The following TBC1D5 variants were observed in gnomAD, a reference collection of about 807,000 sequenced individuals.
TBC1D5 encodes the protein TBC1 domain family, member 5.
TBC1D5 carries 75 observed loss-of-function variants against 100.3 expected under a neutral mutation model. The observed-to-expected ratio is 0.75, with a 90% CI of 0.62 to 0.91. The LOEUF (loss-of-function observed/expected upper bound fraction) is 0.91, where lower values mean the gene tolerates loss of function less well. Ranked by LOEUF, TBC1D5 falls within the 40% of genes least tolerant of loss-of-function variation. The probability of loss-of-function intolerance (pLI) is 0.00; values close to 1 mark genes in which losing one functional copy is unlikely to be tolerated. For synonymous variants in TBC1D5, 323 were observed against 325.6 expected, an observed-to-expected ratio of 0.99 and a Z score of 0.09; for missense variants, 910 against 942.4, an observed-to-expected ratio of 0.97 and a Z score of 0.45.
intron 16 of TBC1D5, among the ~76,000 whole-genome samples, chr3:17,240,199 A>T (rs986494672): frequency 6.6e-6 from 1 of 152,180 alleles, no homozygotes; most frequent in Non-Finnish European, 1.5e-5. Flanking sequence ...TAATGCTACT[A>T]GCTAATGTTA....
intron 1 of TBC1D5, among the ~76,000 whole-genome samples, chr3:17,691,826 CAAAA>C (rs1273079675): frequency 1.7e-5 from 1 of 58,568 alleles, no homozygotes; most frequent in Admixed American, 1.8e-4. Context: ...TCCGTCTCAA[CAAAA>C]AAAAAAAAAA....
chr3:17,697,375 TCTC>T (rs2072299752), intron 1 of TBC1D5, among the ~76,000 whole-genome samples: 1 of 152,078 alleles, frequency 6.6e-6, no homozygotes, highest in Non-Finnish European at 1.5e-5. Context: ...CAGCCCAAAA[TCTC>T]CTTAAGCTGA....
intron 2 of TBC1D5, among the ~76,000 whole-genome samples, chr3:17,516,585 A>G (rs1427136079): frequency 6.6e-6 from 1 of 152,204 alleles, no homozygotes; most frequent in Middle Eastern, 3.2e-3. Flanking sequence ...TATCCTTATC[A>G]TAAGTAGTTA....
At chr3:17,470,596 T>C (rs1284371348) in intron 3 of TBC1D5, among the ~76,000 whole-genome samples, 1 of 152,164 alleles carries the variant, frequency 6.6e-6, no homozygotes, top group Non-Finnish European at 1.5e-5. Context: ...ACAAGGGTCT[T>C]CTGCACTACT....
At chr3:17,439,479 G>C (rs2094599685) in intron 3 of TBC1D5, among the ~76,000 whole-genome samples, 1 of 152,014 alleles carries the variant, frequency 6.6e-6, no homozygotes, top group Non-Finnish European at 1.5e-5. Flanking sequence ...TCTTATAAAA[G>C]ATTTACTAAC....
At chr3:17,194,765 AC>A (rs2070426110) in intron 18 of TBC1D5, among the ~76,000 whole-genome samples, 1 of 152,230 alleles carries the variant, frequency 6.6e-6, no homozygotes, top group Non-Finnish European at 1.5e-5. Flanking sequence ...GCCTTTAGAA[AC>A]ATGCTTTTAT....
At chr3:17,268,832 A>G (rs1431014612) in intron 15 of TBC1D5, among the ~76,000 whole-genome samples, 2 of 152,134 alleles carry the variant, frequency 1.3e-5, no homozygotes, top group African/African-American at 4.8e-5. Context: ...CTTTTTCCAG[A>G]AAACTGAAAG....
chr3:17,515,920 T>C (rs746885888), intron 2 of TBC1D5, among the ~76,000 whole-genome samples: 3 of 152,176 alleles, frequency 2.0e-5, no homozygotes, highest in Non-Finnish European at 2.9e-5. Flanking sequence ...CGTTATCAAA[T>C]AGCCAAAACT....
intron 1 of TBC1D5, among the ~76,000 whole-genome samples, chr3:17,648,328 A>C (rs2065199291): frequency 6.6e-6 from 1 of 152,278 alleles, no homozygotes; most frequent in Non-Finnish European, 1.5e-5. Flanking sequence ...AAATCAACTC[A>C]AGGTGGATTA....
chr3:17,613,382 A>G (rs1258915632), intron 2 of TBC1D5, among the ~76,000 whole-genome samples: 1 of 152,204 alleles, frequency 6.6e-6, no homozygotes, highest in African/African-American at 2.4e-5. Context: ...ATGATTAACA[A>G]TCCTTTGGGT....
At chr3:17,442,792 G>A (rs906790691) in intron 3 of TBC1D5, among the ~76,000 whole-genome samples, 1 of 152,162 alleles carries the variant, frequency 6.6e-6, no homozygotes, top group Non-Finnish European at 1.5e-5. Context: ...TCCACCCACA[G>A]AAAGTGAGTC....
At chr3:17,581,342 C>T (rs185053015) in intron 2 of TBC1D5, among the ~76,000 whole-genome samples, 4 of 152,282 alleles carry the variant, frequency 2.6e-5, no homozygotes, top group Middle Eastern at 3.4e-3. Context: ...ATACCATCTA[C>T]AATTAACAAC....
At chr3:17,198,763 T>G (rs1461109475) in intron 18 of TBC1D5, among the ~76,000 whole-genome samples, 1 of 152,188 alleles carries the variant, frequency 6.6e-6, no homozygotes, top group Non-Finnish European at 1.5e-5. Flanking sequence ...AAGACACAGG[T>G]GAGCTTCTAA....
At chr3:17,388,147 G>A (rs527284767) in intron 8 of TBC1D5, among the ~76,000 whole-genome samples, 3 of 152,130 alleles carry the variant, frequency 2.0e-5, no homozygotes, top group South Asian at 4.2e-4. Flanking sequence ...TCATATTTCA[G>A]TTTAGACTCA....
intron 19 of TBC1D5, among the ~76,000 whole-genome samples, chr3:17,183,515 G>C (rs1028848091): frequency 6.6e-6 from 1 of 152,182 alleles, no homozygotes; most frequent in African/African-American, 2.4e-5. Flanking sequence ...TGGATCAAAT[G>C]TGACAGGGGT....
exon 3 of TBC1D5, chr3:17,508,541 A>C: frequency 6.2e-7 from 1 of 1,613,646 alleles, no homozygotes; most frequent in Non-Finnish European, 8.5e-7. Flanking sequence ...GCTGCAGAGG[A>C]TGTCTAGTTT....
intron 2 of TBC1D5, among the ~76,000 whole-genome samples, chr3:17,512,307 TTTA>T (rs2095919531): frequency 6.6e-6 from 1 of 152,000 alleles, no homozygotes; most frequent in Non-Finnish European, 1.5e-5. Context: ...ATTAAGAGAT[TTTA>T]TTTAGTCTAA....
intron 2 of TBC1D5, among the ~76,000 whole-genome samples, chr3:17,530,222 C>T (rs994191829): frequency 1.0e-4 from 14 of 135,374 alleles, no homozygotes; most frequent in Non-Finnish European, 2.0e-4. Flanking sequence ...CCAGTCTGGG[C>T]GACAGAGCGA....
chr3:17,714,385 A>G (rs1187157947), intron 1 of TBC1D5, among the ~76,000 whole-genome samples: 1 of 152,212 alleles, frequency 6.6e-6, no homozygotes, highest in Non-Finnish European at 1.5e-5. Flanking sequence ...AGACAGCACT[A>G]TAACATGCAT....
Sources: gnomAD v4.1 joint callset for allele counts (sites outside exome capture counted in the v4.1 genomes callset) on GRCh38, gnomAD v4.1.1 for gene constraint, MANE v1.5 for transcripts, NCBI Gene and HGNC (gene_info 2026-07-23, HGNC 2026-07-21) for gene names.